The following KCNU1 variants were observed in gnomAD, a reference collection of about 807,000 sequenced individuals.
KCNU1 encodes potassium channel subfamily U member 1.
A neutral mutation model predicts 126.8 loss-of-function variants in KCNU1; 93 were observed. That is an observed-to-expected ratio of 0.73 (90% CI 0.62 to 0.87). KCNU1 has a LOEUF of 0.87. Among genes scored for constraint, KCNU1 ranks in the 40% least tolerant of loss-of-function variants. The pLI, the probability that KCNU1 is intolerant of heterozygous loss-of-function variation, is 0.00. For missense variants in KCNU1, 1,330 were observed against 1,367.1 expected (o/e 0.97, Z 0.43); for synonymous variants, 523 against 494.2 (o/e 1.06, Z -0.77).
intron 10 of KCNU1, among the ~76,000 whole-genome samples, chr8:36,823,729 G>A (rs980550798): frequency 6.6e-6 from 1 of 151,240 alleles, no homozygotes; most frequent in African/African-American, 2.4e-5. Flanking sequence ...AGTTGAGTGA[G>A]AAATTTCTAA....
chr8:36,784,683 T>G, intron 1 of KCNU1, 78 bp downstream of exon 1: 1 of 1,103,692 alleles, frequency 9.1e-7, no homozygotes, highest in South Asian at 1.6e-5. Context: ...GTAAAAGATC[T>G]AAGCTTCATT....
At chr8:36,790,479 G>A (rs1241405750) in intron 2 of KCNU1, among the ~76,000 whole-genome samples, 21 of 146,516 alleles carry the variant, frequency 1.4e-4, no homozygotes, top group Non-Finnish European at 2.3e-4. Context: ...TATAAAAAAG[G>A]AAAAAAAAAG....
At chr8:36,849,418 G>A (rs111822536) in intron 18 of KCNU1, among the ~76,000 whole-genome samples, 6,045 of 151,992 alleles carry the variant, frequency 0.04, 405 homozygotes, top group African/African-American at 0.14. Context: ...GTGAAACCCC[G>A]TCTGTACTAA....
intron 19 of KCNU1, among the ~76,000 whole-genome samples, chr8:36,889,479 A>T (rs1487565754): frequency 1.3e-5 from 2 of 152,162 alleles, no homozygotes; most frequent in Non-Finnish European, 2.9e-5. Flanking sequence ...AAGGAAAAAA[A>T]AACTTGTCAT....
rs369745617 is a variant in KCNU1, at chr8:36,888,559, G to A, written c.2010-17149G>A. 3 of 533,724 alleles carry A rather than the reference G, an allele frequency of 5.6e-6. No homozygotes were observed. In the African/African-American group the frequency reaches 5.8e-5, roughly 10 times the overall value. 33.1% of individuals were successfully genotyped at this position (533,724 alleles called of 1,614,324 possible). On this transcript the variant is annotated intron_variant, in intron 19 of 26. Transcript: ENST00000399881. ...AGATCTGGGAGATCACAAATGGGCT[G>A]TGCCTGGAAGTGGAGCAGAAGATGC...
At chr8:36,854,777 G>T (rs1476203705) in intron 18 of KCNU1, among the ~76,000 whole-genome samples, 1 of 151,932 alleles carries the variant, frequency 6.6e-6, no homozygotes, top group East Asian at 1.9e-4. Context: ...TTTTTATCTT[G>T]CTTGTTTCTT....
intron 2 of KCNU1, among the ~76,000 whole-genome samples, chr8:36,791,007 A>G (rs1002013341): frequency 6.6e-6 from 1 of 151,988 alleles, no homozygotes; most frequent in Admixed American, 6.6e-5. Context: ...GGAAAAAAAA[A>G]AAAAGGAAAA....
chr8:36,893,360 T>C (rs904803872), intron 19 of KCNU1, among the ~76,000 whole-genome samples: 10 of 151,580 alleles, frequency 6.6e-5, no homozygotes, highest in Non-Finnish European at 1.2e-4. Flanking sequence ...TAACTATAAC[T>C]CAGATATTTG....
At chr8:36,853,235 G>A (rs200779588) in intron 18 of KCNU1, among the ~76,000 whole-genome samples, 31 of 152,048 alleles carry the variant, frequency 2.0e-4, no homozygotes, top group Non-Finnish European at 4.1e-4. Flanking sequence ...TTGTAGTCCC[G>A]GCTACTCGGG....
intron 7 of KCNU1, among the ~76,000 whole-genome samples, chr8:36,811,582 A>G (rs1187656417): frequency 6.6e-6 from 1 of 152,224 alleles, no homozygotes; most frequent in African/African-American, 2.4e-5. Flanking sequence ...GATAAAATTC[A>G]GCCACACAGG....
chr8:36,893,583 T>G (rs1807063645), intron 19 of KCNU1, among the ~76,000 whole-genome samples: 1 of 152,068 alleles, frequency 6.6e-6, no homozygotes, highest in Non-Finnish European at 1.5e-5. Flanking sequence ...CTGCTGGTTT[T>G]CAGAGCTACT....
At chr8:36,832,577 A>G (rs1804593632) in intron 10 of KCNU1, among the ~76,000 whole-genome samples, 1 of 152,130 alleles carries the variant, frequency 6.6e-6, no homozygotes, top group Middle Eastern at 3.4e-3. Flanking sequence ...TATGTATTGT[A>G]TCTTCTTTGT....
intron 22 of KCNU1, among the ~76,000 whole-genome samples, chr8:36,917,988 C>G (rs1041097483): frequency 6.6e-6 from 1 of 152,170 alleles, no homozygotes; most frequent in African/African-American, 2.4e-5. Context: ...CAGTGAGGAG[C>G]TCAAAGAGGC....
chr8:36,898,951 C>T (rs1807307424), intron 19 of KCNU1, among the ~76,000 whole-genome samples: 1 of 152,006 alleles, frequency 6.6e-6, no homozygotes, highest in Admixed American at 6.6e-5. Context: ...TCTGTACTAA[C>T]ATTGTAGAAA....
At chr8:36,885,920 C>A (rs951664674) in intron 19 of KCNU1, among the ~76,000 whole-genome samples, 6 of 152,188 alleles carry the variant, frequency 3.9e-5, no homozygotes, top group African/African-American at 1.4e-4. Flanking sequence ...TCCTACTCTA[C>A]CCCTGTATCA....
At chr8:36,866,419 A>G (rs1214173445) in intron 19 of KCNU1, among the ~76,000 whole-genome samples, 2 of 152,108 alleles carry the variant, frequency 1.3e-5, no homozygotes, top group East Asian at 1.9e-4. Flanking sequence ...GAGCAATATA[A>G]AAGTCCGGGA....
chr8:36,935,763 C>G lies in KCNU1; in HGVS notation c.3293C>G (p.Ser1098Cys). 6.2e-7 allele frequency: 1 copy of G among 1,613,458 alleles called. No homozygotes were observed. Among genetic ancestry groups the G allele is most frequent in the South Asian group, 1.1e-5 (1 of 91,052 alleles). Residue 1098 changes from serine to cysteine, a missense_variant, in exon 27 of 27, where the codon TCC becomes TGC. Physicochemically the swap from Ser to Cys is moderately radical, Grantham distance 112. Transcript: ENST00000399881. ...PVYSYQPRTNSLSFPKQIAWN... is the reference protein window; with the variant it reads ...PVYSYQPRTNCLSFPKQIAWN... ...TATTCTTACCAGCCGAGAACTAACT[C>G]CCTCTCTTTTCCTAAGCAAATAGCA...
In KCNU1 at chr8:36,813,758, A is replaced by T. The variant is rs561266317; in HGVS notation, c.733-449A>T. ...GTTTTTCTGTAGACACTAGCATTCT[A>T]TGTGCTTAAGCTCACTGAAATGAAG... On this transcript the variant is annotated intron_variant, in intron 7 of 26. Transcript: ENST00000399881. Among the ~76,000 whole-genome samples the T allele has an allele frequency of 3.3e-5, 5 of 152,226 alleles. No homozygotes were observed. The East Asian group carries it at 9.7e-4, about 29-fold the overall frequency.
intron 18 of KCNU1, among the ~76,000 whole-genome samples, chr8:36,854,104 C>T (rs1446886625): frequency 6.6e-6 from 1 of 152,110 alleles, no homozygotes; most frequent in Admixed American, 6.6e-5. Flanking sequence ...ATTGGTCATC[C>T]TTTCTACACG....
Sources: gnomAD v4.1 joint callset for allele counts (sites outside exome capture counted in the v4.1 genomes callset) on GRCh38, gnomAD v4.1.1 for gene constraint, MANE v1.5 for transcripts, NCBI Gene and HGNC (gene_info 2026-07-23, HGNC 2026-07-21) for gene names.